The following KIF13A variants were observed in gnomAD, a reference collection of about 807,000 sequenced individuals.
The protein encoded by KIF13A is kinesin family member 13A.
In KIF13A, 79 loss-of-function variants were observed where a neutral mutation model predicts 212.2. That is an observed-to-expected ratio of 0.37 (90% CI 0.31 to 0.45). The LOEUF (loss-of-function observed/expected upper bound fraction) is 0.45, where lower values mean the gene tolerates loss of function less well. KIF13A is among the 20% of genes least tolerant of loss of function. The probability of loss-of-function intolerance (pLI) is 1.00; values close to 1 mark genes in which losing one functional copy is unlikely to be tolerated. For synonymous variants in KIF13A, 789 were observed against 808.6 expected (o/e 0.98, Z 0.41); for missense variants, 1,901 against 2,209.0 (o/e 0.86, Z 2.79).
rs1766064523 is a variant in KIF13A, at chr6:17,837,400, A to G, written c.942+72T>C. On this transcript the variant is annotated intron_variant, in intron 10 of 38. Transcript: ENST00000259711. This position sits in a 1 kb window ranked among gnomAD's most constrained non-coding sequence, Gnocchi z 5.4. ...TCTTTAGGTATTTGGTTAGCTTTGT[A>G]CACACCTTTACTCTGTCACATCTGG... 1 of 1,015,278 alleles carries G rather than the reference A, an allele frequency of 9.8e-7. No individual in the cohort carries two copies. The highest frequency in any genetic ancestry group is 1.5e-6 in the Non-Finnish European group (1 of 663,538). 62.9% of individuals were successfully genotyped at this position (1,015,278 alleles called of 1,614,324 possible). A position where few individuals can be genotyped will look rare whatever the true frequency, so the allele number is the denominator to read the frequency against.
At chr6:17,807,117 T>C (rs969132809) in intron 18 of KIF13A, among the ~76,000 whole-genome samples, 4 of 152,170 alleles carry the variant, frequency 2.6e-5, no homozygotes, top group Non-Finnish European at 5.9e-5. Context: ...AAATTGATTA[T>C]AAAATGTGTG....
At position 17,890,790 on chromosome 6, in the gene KIF13A, CTAA is replaced by C. The variant is rs71536760; in HGVS notation, c.159+7375_159+7377del. Among the ~76,000 whole-genome samples the C allele has an allele frequency of 2.5e-3, 349 of 139,130 alleles. 4 individuals are homozygous for C. Among genetic ancestry groups the C allele is most frequent in the South Asian group, 5.8e-3 (24 of 4,168 alleles). The allele number at this position is 139,130 out of a possible 152,430, so 91.3% of individuals were successfully genotyped here. A position where few individuals can be genotyped will look rare whatever the true frequency, so the allele number is the denominator to read the frequency against. ...TACAGGGACATGTTACTATGCCCAGCTAATAATAATAATAATAATAATAATAAT... is the reference window on the plus strand; with the variant it reads ...TACAGGGACATGTTACTATGCCCAGCTAATAATAATAATAATAATAATAAT... On this transcript the variant is annotated intron_variant, in intron 3 of 38. Coordinates refer to ENST00000259711, the MANE Select transcript of KIF13A (RefSeq NM_022113.6).
intron 9 of KIF13A, among the ~76,000 whole-genome samples, chr6:17,844,786 C>G (rs1251175827): frequency 6.6e-6 from 1 of 152,152 alleles, no homozygotes; most frequent in Non-Finnish European, 1.5e-5. Context: ...CCGTAATGTA[C>G]AAGTCATAAA....
At chr6:17,940,817 A>AAT (rs1776891012) in intron 2 of KIF13A, among the ~76,000 whole-genome samples, 1 of 140,512 alleles carries the variant, frequency 7.1e-6, no homozygotes, top group African/African-American at 2.7e-5. Flanking sequence ...ATGTAAATTT[A>AAT]TTTTTTTTTT....
chr6:17,899,756 C>T lies in KIF13A; in HGVS notation c.147-1576G>A, dbSNP rs1405273273. ...TAGAATAACTGGTATCTCTGGCTGC[C>T]ATCAAGCAAGTCTCAACATATTTGT... On this transcript the variant is annotated intron_variant, in intron 2 of 38. Coordinates refer to ENST00000259711, the MANE Select transcript of KIF13A (RefSeq NM_022113.6). The surrounding 1 kb of genome is among the most constrained non-coding windows in gnomAD (Gnocchi z 5.2). Among the ~76,000 whole-genome samples, 1 of 152,114 alleles carries T rather than the reference C, an allele frequency of 6.6e-6. No homozygotes were observed. The highest frequency in any genetic ancestry group is 1.5e-5 in the Non-Finnish European group (1 of 68,030).
At chr6:17,810,591 A>C (rs942814821) in intron 17 of KIF13A, among the ~76,000 whole-genome samples, 1 of 152,192 alleles carries the variant, frequency 6.6e-6, no homozygotes, top group African/African-American at 2.4e-5. Flanking sequence ...TGTGCACTTT[A>C]TTTCTATTAT....
intron 4 of KIF13A, among the ~76,000 whole-genome samples, chr6:17,859,015 TC>T (rs1055528270): frequency 1.3e-5 from 2 of 152,252 alleles, no homozygotes; most frequent in African/African-American, 4.8e-5. Context: ...GTATATCTAT[TC>T]CTGTATCAGG....
At chr6:17,930,627 G>C (rs1232324489) in intron 2 of KIF13A, among the ~76,000 whole-genome samples, 4 of 152,148 alleles carry the variant, frequency 2.6e-5, no homozygotes, top group African/African-American at 7.2e-5. Context: ...ACCTGGATTT[G>C]CCACACTTTG....
At chr6:17,876,307 G>A (rs1360362422) in intron 3 of KIF13A, among the ~76,000 whole-genome samples, 2 of 152,114 alleles carry the variant, frequency 1.3e-5, no homozygotes, top group Admixed American at 1.3e-4. Flanking sequence ...TTTGAGACTA[G>A]CCACAATAGG....
intron 25 of KIF13A, among the ~76,000 whole-genome samples, chr6:17,791,439 A>T (rs1173384365): frequency 6.6e-6 from 1 of 151,730 alleles, no homozygotes; most frequent in African/African-American, 2.4e-5. Context: ...AACAGACGTG[A>T]CCTGGAACAT....
chr6:17,884,396 C>T (rs1771354771), intron 3 of KIF13A, among the ~76,000 whole-genome samples: 1 of 152,224 alleles, frequency 6.6e-6, no homozygotes, highest in South Asian at 2.1e-4. Context: ...TGTTATGTAC[C>T]AGGCACCAAC....
chr6:17,929,072 A>AAAAAAC (rs1554117380), intron 2 of KIF13A, among the ~76,000 whole-genome samples: 88 of 147,028 alleles, frequency 6.0e-4, no homozygotes, highest in African/African-American at 2.1e-3. Flanking sequence ...AAAAAAAAAA[A>AAAAAAC]AAAAAAAAAA....
chr6:17,837,722 T>A lies in KIF13A; in HGVS notation c.831-139A>T. The A allele has an allele frequency of 1.6e-6, 1 of 611,068 alleles. No homozygotes were observed. Among genetic ancestry groups the A allele is most frequent in the Non-Finnish European group, 2.9e-6 (1 of 349,518 alleles). 37.9% of individuals were successfully genotyped at this position (611,068 alleles called of 1,614,324 possible). ...ATCCCAGCACTTTGGGAGGCCAAGG[T>A]GGATGAATCACTTGAGGCCAGGGGT... On this transcript the variant is annotated intron_variant, in intron 9 of 38. Coordinates refer to ENST00000259711, the MANE Select transcript of KIF13A (RefSeq NM_022113.6). This position sits in a 1 kb window ranked among gnomAD's most constrained non-coding sequence, Gnocchi z 5.4.
At chr6:17,910,750 G>A (rs1293926675) in intron 2 of KIF13A, among the ~76,000 whole-genome samples, 1 of 152,068 alleles carries the variant, frequency 6.6e-6, no homozygotes, top group East Asian at 1.9e-4. Context: ...ATAAATTCAA[G>A]GTTTTTTTTG....
intron 3 of KIF13A, among the ~76,000 whole-genome samples, chr6:17,878,972 T>C (rs893696832): frequency 6.6e-6 from 1 of 152,228 alleles, no homozygotes; most frequent in African/African-American, 2.4e-5. Flanking sequence ...AGAATGGTGA[T>C]ACCTCAAACC....
At position 17,780,826 on chromosome 6, in the gene KIF13A, A is replaced by T. The variant is rs754270600; in HGVS notation, c.3750T>A (p.Ile1250=). ...LNRVTPQNER[I]YLIVKTTVQL... is the part of the protein sequence containing the mutation. ...GAACTGTGGTTTTCACAATTAGGTAAATCCTTTCATTCTGTGGTGTGACCC... is the reference window on the plus strand; with the variant it reads ...GAACTGTGGTTTTCACAATTAGGTATATCCTTTCATTCTGTGGTGTGACCC... Residue 1250 remains isoleucine, a synonymous_variant, in exon 31 of 39, where the codon ATT becomes ATA. Transcript: ENST00000259711. The T allele has an allele frequency of 5.0e-6, 8 of 1,613,830 alleles. No individual in the cohort carries two copies. The Admixed American group carries it at 8.3e-5, about 17-fold the overall frequency.
chr6:17,930,902 C>T (rs1269867392), intron 2 of KIF13A, among the ~76,000 whole-genome samples: 1 of 152,204 alleles, frequency 6.6e-6, no homozygotes, highest in Non-Finnish European at 1.5e-5. Context: ...ATTTGGTAGA[C>T]TCAGGCTTAA....
intron 32 of KIF13A, 147 bp from the exon 33 acceptor site, chr6:17,779,246 TATATATATATA>T (rs1272677568): frequency 6.7e-3 from 111 of 16,518 alleles, no homozygotes; most frequent in Middle Eastern, 0.029. Context: ...CATATATATA[TATATATATATA>T]TTTTTTTTTT....
chr6:17,797,662 A>C (rs1269505864), intron 22 of KIF13A, among the ~76,000 whole-genome samples: 1 of 152,168 alleles, frequency 6.6e-6, no homozygotes, highest in Admixed American at 6.5e-5. Context: ...TCGGGAGGCC[A>C]AGGCAGGAGG....
Sources: gnomAD v4.1 joint callset for allele counts (sites outside exome capture counted in the v4.1 genomes callset) on GRCh38, gnomAD v4.1.1 for gene constraint, Gnocchi (gnomAD v3.1) non-coding constraint, MANE v1.5 for transcripts, NCBI Gene and HGNC (gene_info 2026-07-23, HGNC 2026-07-21) for gene names.